MIA2: variants seen among roughly 807,000 people sequenced by gnomAD.
The protein encoded by MIA2 is melanoma inhibitory activity protein 2.
Under a neutral mutation model 167.8 loss-of-function variants are expected in MIA2, and 127 were observed. The observed-to-expected ratio is 0.76, with a 90% confidence interval of 0.66 to 0.88. The LOEUF is 0.88. Among genes scored for constraint, MIA2 ranks in the 40% least tolerant of loss-of-function variants. MIA2 has a pLI of 0.00. For missense variants in MIA2, 1,690 were observed against 1,624.7 expected (o/e 1.04, Z -0.69); for synonymous variants, 552 against 541.9 (o/e 1.02, Z -0.26).
chr14:39,288,445 A>ATTTTTTTTTTTTTTTTTTT lies in MIA2; in HGVS notation c.2131-2573_2131-2572insTTTTTTTTTTTTTTTTTTT, dbSNP rs1566746216. ...GTATATATTATACATATATATATAT[A>ATTTTTTTTTTTTTTTTTTT]TATATATATATATATATATATATAT... is the stretch of plus-strand genomic sequence containing the variant. On this transcript the variant is annotated intron_variant, in intron 9 of 28. Transcript: ENST00000640607. 3.6e-4 allele frequency among the ~76,000 whole-genome samples: 2 copies of ATTTTTTTTTTTTTTTTTTT among 5,508 alleles called. 1 individual carries two copies. 3.6% of individuals were successfully genotyped at this position (5,508 alleles called of 152,430 possible). A position where few individuals can be genotyped will look rare whatever the true frequency, so the allele number is the denominator to read the frequency against.
At chr14:39,302,363 T>C in intron 15 of MIA2, 114 bp downstream of exon 15, 1 of 1,236,792 alleles carries the variant, frequency 8.1e-7, no homozygotes, top group East Asian at 2.4e-5. Flanking sequence ...GCACATTCTG[T>C]CTGTCTGTGA....
intron 23 of MIA2, among the ~76,000 whole-genome samples, chr14:39,376,156 G>A (rs571744527): frequency 3.8e-4 from 58 of 152,174 alleles, no homozygotes; most frequent in African/African-American, 1.3e-3. Context: ...GTTTTGCCAT[G>A]TTGTCCAGGC....
In MIA2 at chr14:39,247,105, A is replaced by G. The variant is rs1370019568; in HGVS notation, c.531A>G (p.Gln177=). The G allele has an allele frequency of 3.7e-6, 6 of 1,608,300 alleles. No individual in the cohort carries two copies. The highest frequency in any genetic ancestry group is 5.1e-6 in the Non-Finnish European group (6 of 1,178,722). The change falls in exon 4 of 29, where the codon CAA becomes CAG. Residue 177 remains glutamine (Q), a synonymous_variant. Transcript: ENST00000640607. ...ATGAAAGTACTTTGTTTGAAGACCAAGTTCCAGCATTAGAGGCTCCTGAAG... is the reference window on the plus strand; with the variant it reads ...ATGAAAGTACTTTGTTTGAAGACCAGGTTCCAGCATTAGAGGCTCCTGAAG... ...ATYESTLFED[Q]VPALEAPEDI...
At chr14:39,366,489 C>A (rs1007057248) in intron 23 of MIA2, among the ~76,000 whole-genome samples, 1 of 152,076 alleles carries the variant, frequency 6.6e-6, no homozygotes, top group East Asian at 1.9e-4. Flanking sequence ...TGGGCCAGTT[C>A]CCAGGCCCTC....
chr14:39,314,800 G>GTATA lies in MIA2; in HGVS notation c.3180+9_3180+12dup, dbSNP rs75318507. ...AACTATTCATTCTTATCAAGGGCAG[G>GTATA]TATATATATATGTGTGTGTGTGTGT... is the stretch of plus-strand genomic sequence containing the variant. On this transcript the variant is annotated splice_donor_variant, in intron 20 of 28. Coordinates refer to ENST00000640607, the MANE Select transcript of MIA2 (RefSeq NM_001329214.4). LOFTEE classifies it high-confidence loss of function. The GTATA allele has an allele frequency of 4.6e-6, 5 of 1,090,644 alleles. No individual in the cohort carries two copies. In the African/African-American group the frequency reaches 4.8e-5, roughly 11 times the overall value. The allele number at this position is 1,090,644 out of a possible 1,614,324, so 67.6% of individuals were successfully genotyped here. A position where few individuals can be genotyped will look rare whatever the true frequency, so the allele number is the denominator to read the frequency against.
intron 9 of MIA2, among the ~76,000 whole-genome samples, chr14:39,285,480 C>A (rs2059541147): frequency 1.3e-5 from 2 of 148,498 alleles, no homozygotes; most frequent in South Asian, 4.2e-4. Flanking sequence ...GGGCTGACCC[C>A]CCACCTCCCT....
intron 14 of MIA2, among the ~76,000 whole-genome samples, chr14:39,301,823 G>A (rs1283040611): frequency 6.6e-6 from 1 of 152,114 alleles, no homozygotes. Context: ...TTAGGGCACT[G>A]TTATTTGTGG....
chr14:39,356,592 G>A (rs978133918), intron 23 of MIA2, among the ~76,000 whole-genome samples: 1 of 152,116 alleles, frequency 6.6e-6, no homozygotes, highest in Admixed American at 6.6e-5. Context: ...CTTGCCGTCT[G>A]CTGGCTTTTG....
At position 39,274,804 on chromosome 14, in the gene MIA2, G is replaced by GT. The variant is rs1288912096; in HGVS notation, c.1888-2118dup. ...CTTTATTTTATTTTATTTTTTTAAA[G>GT]TTTTTTTTTTTTGTAATCCCAGCAC... is the stretch of plus-strand genomic sequence containing the variant. On this transcript the variant is annotated intron_variant, in intron 6 of 28. Coordinates refer to ENST00000640607, the MANE Select transcript of MIA2 (RefSeq NM_001329214.4). Among the ~76,000 whole-genome samples the GT allele has an allele frequency of 1.5e-3, 222 of 144,504 alleles. 1 individual carries two copies. The highest frequency in any genetic ancestry group is 4.2e-3 in the African/African-American group (164 of 39,066). The allele number at this position is 144,504 out of a possible 152,430, so 94.8% of individuals were successfully genotyped here. A position where few individuals can be genotyped will look rare whatever the true frequency, so the allele number is the denominator to read the frequency against.
intron 6 of MIA2, among the ~76,000 whole-genome samples, chr14:39,268,544 G>C (rs1422206730): frequency 6.6e-6 from 1 of 152,198 alleles, no homozygotes; most frequent in Admixed American, 6.5e-5. Context: ...GTATTACTTA[G>C]AGTGTAAAGT....
At chr14:39,321,318 A>T (rs928664509) in intron 24 of MIA2, among the ~76,000 whole-genome samples, 14 of 151,720 alleles carry the variant, frequency 9.2e-5, no homozygotes, top group Non-Finnish European at 7.4e-5. Context: ...TTTTAATTTT[A>T]ATTTTTATTT....
chr14:39,330,558 G>A (rs562912613), intron 25 of MIA2, among the ~76,000 whole-genome samples: 1 of 152,234 alleles, frequency 6.6e-6, no homozygotes, highest in South Asian at 2.1e-4. Context: ...ATGTTTGGGT[G>A]TTGATTTTAG....
intron 13 of MIA2, among the ~76,000 whole-genome samples, chr14:39,295,383 A>T (rs10133417): frequency 0.27 from 41,156 of 151,944 alleles, 5,766 homozygotes; most frequent in East Asian, 0.5. Flanking sequence ...GGCAGATCAC[A>T]TAAGGATGTG....
chr14:39,365,736 T>C (rs1412984453), intron 23 of MIA2, among the ~76,000 whole-genome samples: 1 of 152,158 alleles, frequency 6.6e-6, no homozygotes, highest in Admixed American at 6.5e-5. Flanking sequence ...TTTTCTGATT[T>C]CTTTGTATTG....
intron 25 of MIA2, among the ~76,000 whole-genome samples, chr14:39,340,905 A>G (rs1293593541): frequency 6.6e-6 from 1 of 152,218 alleles, no homozygotes; most frequent in Non-Finnish European, 1.5e-5. Context: ...TAGGTTGTGG[A>G]GAGATTAAGA....
downstream of MIA2, among the ~76,000 whole-genome samples, chr14:39,355,499 C>G (rs2074499087): frequency 6.6e-6 from 1 of 152,172 alleles, no homozygotes; most frequent in African/African-American, 2.4e-5. Flanking sequence ...CCCCTGCAAA[C>G]AGGGACAATT....
Position 39,234,052 on chromosome 14 carries a change from C to A in MIA2, c.-63C>A. 9.9e-7 allele frequency: 1 copy of A among 1,012,738 alleles called. No individual in the cohort carries two copies. The highest frequency in any genetic ancestry group is 1.5e-6 in the Non-Finnish European group (1 of 676,082). 62.7% of individuals were successfully genotyped at this position (1,012,738 alleles called of 1,614,324 possible). ...GTAGAATATCTCCAGTTTTGGCTGA[C>A]ATCTCTACAACCTGAACAATTGGCT... On this transcript the variant is annotated 5_prime_UTR_variant, in exon 1 of 29. Coordinates refer to ENST00000640607, the MANE Select transcript of MIA2 (RefSeq NM_001329214.4).
rs767846164 is a variant in MIA2, at chr14:39,302,171, A to G, written c.2662A>G (p.Met888Val). Reference protein sequence around the residue: ...RLLKMKDWAAMLGEDITDDDN... With the variant: ...RLLKMKDWAAVLGEDITDDDN... Reference sequence around the variant, plus strand: ...GTTAAAGATGAAAGATTGGGCTGCTATGCTTGGAGAAGACATAACGGATGA... The same window carrying G: ...GTTAAAGATGAAAGATTGGGCTGCTGTGCTTGGAGAAGACATAACGGATGA... Residue 888 changes from methionine (M) to valine (V), a missense_variant, in exon 15 of 29, where the codon ATG becomes GTG. Transcript: ENST00000640607. 13 of 1,613,864 alleles carry G rather than the reference A, an allele frequency of 8.1e-6. No homozygotes were observed. In the South Asian group the frequency reaches 1.1e-4, roughly 14 times the overall value.
chr14:39,347,987 A>G (rs1323426466), intron 27 of MIA2, among the ~76,000 whole-genome samples: 1 of 151,868 alleles, frequency 6.6e-6, no homozygotes, highest in African/African-American at 2.4e-5. Context: ...TAATTTTTGT[A>G]TATTTAGTAG....
Sources: gnomAD v4.1 joint callset for allele counts (sites outside exome capture counted in the v4.1 genomes callset) on GRCh38, gnomAD v4.1.1 for gene constraint, MANE v1.5 for transcripts, NCBI Gene and HGNC (gene_info 2026-07-23, HGNC 2026-07-21) for gene names.